The following DPYD variants were observed in gnomAD, a reference collection of about 807,000 sequenced individuals.
DPYD encodes the protein dihydropyrimidine dehydrogenase.
DPYD carries 109 observed loss-of-function variants against 116.2 expected under a neutral mutation model. That is an observed-to-expected ratio of 0.94 (90% CI 0.80 to 1.10). The LOEUF (loss-of-function observed/expected upper bound fraction) is 1.10, where lower values mean the gene tolerates loss of function less well. Among genes scored for constraint, DPYD ranks in the 50% least tolerant of loss-of-function variants. The pLI is 0.00. For missense variants in DPYD, 1,302 were observed against 1,254.5 expected, an observed-to-expected ratio of 1.04 and a Z score of -0.57; for synonymous variants, 440 against 432.0, an observed-to-expected ratio of 1.02 and a Z score of -0.23.
intron 13 of DPYD, among the ~76,000 whole-genome samples, chr1:97,456,799 A>C (rs1676716022): frequency 6.6e-6 from 1 of 152,140 alleles, no homozygotes; most frequent in African/African-American, 2.4e-5. Flanking sequence ...ATAATTATCT[A>C]GGAAAATGGG....
intron 5 of DPYD, among the ~76,000 whole-genome samples, chr1:97,704,908 G>A (rs1364572550): frequency 1.3e-5 from 2 of 151,956 alleles, no homozygotes; most frequent in African/African-American, 2.4e-5. Flanking sequence ...AAAGATGAAT[G>A]AAAAGTATAC....
At chr1:97,733,752 T>C (rs1663764700) in intron 4 of DPYD, among the ~76,000 whole-genome samples, 1 of 152,104 alleles carries the variant, frequency 6.6e-6, no homozygotes, top group African/African-American at 2.4e-5. Flanking sequence ...ACAGTACATA[T>C]ATTTTTAATT....
chr1:97,177,392 T>A (rs1657358432), intron 20 of DPYD, among the ~76,000 whole-genome samples: 1 of 152,110 alleles, frequency 6.6e-6, no homozygotes, highest in African/African-American at 2.4e-5. Context: ...AGTAAATAAC[T>A]CAACTTTAGT....
intron 16 of DPYD, among the ~76,000 whole-genome samples, chr1:97,373,096 C>T (rs756734064): frequency 9.9e-5 from 15 of 152,138 alleles, no homozygotes; most frequent in Non-Finnish European, 1.6e-4. Context: ...GCATCAAAGT[C>T]TTTTTGCAAC....
chr1:97,244,758 C>A (rs1325680875), intron 18 of DPYD, among the ~76,000 whole-genome samples: 1 of 151,970 alleles, frequency 6.6e-6, no homozygotes, highest in Non-Finnish European at 1.5e-5. Flanking sequence ...TTACTATCAA[C>A]CTTAAATGTA....
chr1:97,443,364 T>C (rs1406228995), intron 14 of DPYD, among the ~76,000 whole-genome samples: 1 of 152,198 alleles, frequency 6.6e-6, no homozygotes, highest in Non-Finnish European at 1.5e-5. Flanking sequence ...ATATTGACTC[T>C]AGAATTCATG....
intron 14 of DPYD, among the ~76,000 whole-genome samples, chr1:97,399,872 T>C (rs1214727896): frequency 6.6e-6 from 1 of 152,222 alleles, no homozygotes; most frequent in African/African-American, 2.4e-5. Flanking sequence ...ATTTTCTAGA[T>C]ACACGATCAT....
In DPYD at chr1:97,137,593, T is replaced by A. The variant is rs75725143; in HGVS notation, c.2623-38961A>T. ...CTGCAGACATTCTGTCGGCTCTGTA[T>A]CTCCATCAGTTTTTTCATAATGTGC... is the stretch of plus-strand genomic sequence containing the variant. On this transcript the variant is annotated intron_variant, in intron 20 of 22. Transcript: ENST00000370192. Among the ~76,000 whole-genome samples, 1,252 of 152,278 alleles carry A rather than the reference T, an allele frequency of 8.2e-3. 11 individuals are homozygous for A. The highest frequency in any genetic ancestry group is 0.028 in the African/African-American group (1,180 of 41,554).
chr1:97,785,646 G>A (rs1347483566), intron 3 of DPYD, among the ~76,000 whole-genome samples: 1 of 139,518 alleles, frequency 7.2e-6, no homozygotes, highest in Non-Finnish European at 1.5e-5. Context: ...CTGGCCACAA[G>A]AGAGATTATC....
intron 20 of DPYD, among the ~76,000 whole-genome samples, chr1:97,099,781 G>A (rs1292090382): frequency 1.3e-5 from 2 of 152,036 alleles, no homozygotes; most frequent in Non-Finnish European, 2.9e-5. Flanking sequence ...ATTTCAGCTT[G>A]CATAACGCCC....
At chr1:97,527,267 C>T (rs1253489959) in intron 12 of DPYD, among the ~76,000 whole-genome samples, 1 of 151,994 alleles carries the variant, frequency 6.6e-6, no homozygotes, top group Non-Finnish European at 1.5e-5. Context: ...TTTGTAGAGA[C>T]AGGGTTTCAC....
chr1:97,147,519 G>T (rs904086679), intron 20 of DPYD, among the ~76,000 whole-genome samples: 2 of 152,110 alleles, frequency 1.3e-5, no homozygotes, highest in Non-Finnish European at 2.9e-5. Flanking sequence ...AAATAAACTG[G>T]CAGTGATATG....
chr1:97,799,933 C>T (rs1187828566), intron 3 of DPYD, among the ~76,000 whole-genome samples: 1 of 151,918 alleles, frequency 6.6e-6, no homozygotes, highest in Non-Finnish European at 1.5e-5. Context: ...ATCTCCAAAC[C>T]TCCCATTTCA....
At chr1:97,835,888 GA>G (rs1476094866) in intron 2 of DPYD, among the ~76,000 whole-genome samples, 1 of 152,072 alleles carries the variant, frequency 6.6e-6, no homozygotes, top group Non-Finnish European at 1.5e-5. Flanking sequence ...ATTTAAAAAT[GA>G]AAATCTACTA....
At chr1:97,222,365 T>A (rs1557949773) in intron 19 of DPYD, among the ~76,000 whole-genome samples, 1 of 152,256 alleles carries the variant, frequency 6.6e-6, no homozygotes, top group African/African-American at 2.4e-5. Flanking sequence ...AAATAGTCAT[T>A]GTGCAATGCT....
intron 1 of DPYD, among the ~76,000 whole-genome samples, chr1:97,920,632 TC>T (rs1267058476): frequency 1.3e-5 from 2 of 152,102 alleles, no homozygotes; most frequent in Non-Finnish European, 2.9e-5. Flanking sequence ...TGAAATCTCT[TC>T]CGAAGTAAAC....
At chr1:97,163,759 G>A (rs1448221309) in intron 20 of DPYD, among the ~76,000 whole-genome samples, 1 of 152,112 alleles carries the variant, frequency 6.6e-6, no homozygotes, top group African/African-American at 2.4e-5. Context: ...GAGCCCTCAT[G>A]ACTTAATTAC....
At chr1:97,503,803 A>G (rs1045226847) in intron 13 of DPYD, among the ~76,000 whole-genome samples, 5 of 152,030 alleles carry the variant, frequency 3.3e-5, no homozygotes, top group African/African-American at 1.2e-4. Context: ...AGAAAAAAAA[A>G]TCTCTATATG....
intron 5 of DPYD, among the ~76,000 whole-genome samples, chr1:97,705,477 G>A (rs1246446880): frequency 6.6e-6 from 1 of 151,878 alleles, no homozygotes; most frequent in African/African-American, 2.4e-5. Flanking sequence ...CATTTTTTAT[G>A]GCTGCATAGT....
Sources: allele counts gnomAD v4.1 joint callset (sites outside exome capture counted in the v4.1 genomes callset), GRCh38; gene constraint gnomAD v4.1.1; transcripts MANE v1.5; gene names NCBI Gene and HGNC (gene_info 2026-07-23, HGNC 2026-07-21).